Variants in WRN observed in about 807,000 individuals in gnomAD.
WRN encodes WRN RecQ like helicase.
Under a neutral mutation model 180.7 loss-of-function variants are expected in WRN, and 149 were observed. That is an observed-to-expected ratio of 0.82 (90% CI 0.72 to 0.94). The LOEUF (loss-of-function observed/expected upper bound fraction) is 0.94, where lower values mean the gene tolerates loss of function less well. WRN is among the 40% of genes least tolerant of loss of function. The probability of loss-of-function intolerance (pLI) is 0.00; values close to 1 mark genes in which losing one functional copy is unlikely to be tolerated. For missense variants in WRN, 1,661 were observed against 1,700.1 expected (o/e 0.98, Z 0.40); for synonymous variants, 548 against 568.9 (o/e 0.96, Z 0.52).
At chr8:31,162,468 C>G (rs189333132) in intron 33 of WRN, among the ~76,000 whole-genome samples, 134 of 152,288 alleles carry the variant, frequency 8.8e-4, no homozygotes, top group Middle Eastern at 3.4e-3. Context: ...ATGCCTTCTT[C>G]TGGACACCTC....
chr8:31,062,199 G>C (rs2130021128), intron 3 of WRN, among the ~76,000 whole-genome samples: 1 of 152,158 alleles, frequency 6.6e-6, no homozygotes, highest in Non-Finnish European at 1.5e-5. Context: ...TATATGTTTT[G>C]TCCAAGTTTA....
chr8:31,094,642 C>T (rs769465222), intron 16 of WRN, among the ~76,000 whole-genome samples: 5 of 152,150 alleles, frequency 3.3e-5, no homozygotes, highest in Admixed American at 6.5e-5. Flanking sequence ...CCACTCTGCC[C>T]GGCCTATTAT....
intron 33 of WRN, among the ~76,000 whole-genome samples, chr8:31,166,419 T>C (rs1263995585): frequency 6.6e-6 from 1 of 152,122 alleles, no homozygotes; most frequent in East Asian, 1.9e-4. Context: ...ATTAGTTCTG[T>C]TGAGTTGCAA....
intron 21 of WRN, 64 bp downstream of exon 21, chr8:31,120,488 A>AC: frequency 2.7e-6 from 4 of 1,508,736 alleles, no homozygotes; most frequent in Non-Finnish European, 3.6e-6. Context: ...TAAACCTCAA[A>AC]AGTGTTTGAG....
At chr8:31,089,037 C>T in intron 13 of WRN, 72 bp downstream of exon 13, 1 of 1,375,776 alleles carries the variant, frequency 7.3e-7, no homozygotes, top group Non-Finnish European at 1.0e-6. Flanking sequence ...GGCAAATAAC[C>T]TGTCTGCTTA....
intron 24 of WRN, among the ~76,000 whole-genome samples, chr8:31,136,030 A>G (rs1403105790): frequency 2.0e-5 from 3 of 152,090 alleles, no homozygotes; most frequent in Non-Finnish European, 2.9e-5. Context: ...AAAGAATGTG[A>G]TATGTCACCC....
chr8:31,039,635 T>C (rs1020315611), intron 1 of WRN, among the ~76,000 whole-genome samples: 2 of 152,214 alleles, frequency 1.3e-5, no homozygotes, highest in African/African-American at 4.8e-5. Flanking sequence ...CTTCCTATCT[T>C]AGGTGGAAAG....
chr8:31,066,673 A>G (rs754648338), intron 5 of WRN, among the ~76,000 whole-genome samples: 14 of 152,100 alleles, frequency 9.2e-5, no homozygotes, highest in Non-Finnish European at 1.3e-4. Context: ...TTGGCTATCA[A>G]TTCCATCACC....
chr8:31,130,584 G>T (rs933307795), intron 23 of WRN, among the ~76,000 whole-genome samples: 1 of 147,914 alleles, frequency 6.8e-6, no homozygotes, highest in Non-Finnish European at 1.5e-5. Flanking sequence ...TTTTACAGTC[G>T]TTAGCGTTTA....
chr8:31,082,211 T>G (rs1280732351), intron 9 of WRN, among the ~76,000 whole-genome samples: 4 of 152,238 alleles, frequency 2.6e-5, no homozygotes, highest in Non-Finnish European at 5.9e-5. Context: ...TGTTTTGCAT[T>G]AGTTTACAAA....
chr8:31,088,942 CT>C lies in WRN; in HGVS notation c.1632del (p.Phe544LeufsTer13), dbSNP rs1387884348. 1 of 1,611,268 alleles carries C rather than the reference CT, an allele frequency of 6.2e-7. No individual in the cohort carries two copies. The highest frequency in any genetic ancestry group is 1.3e-5 in the African/African-American group (1 of 74,958). On this transcript the variant is annotated frameshift_variant, in exon 13 of 35. Transcript: ENST00000298139. LOFTEE classifies it high-confidence loss of function. ...AGCAAGTTACTTGCCTCAAGATGTA[CT>C]TTGGCCATTCCAGTTTTAAACCGTG... is the stretch of plus-strand genomic sequence containing the variant. ...EEQVTCLKMY[F>X]GHSSFKPVQW...
Position 31,066,326 on chromosome 8 carries a change from C to G in WRN, c.505-707C>G, listed in dbSNP as rs561157167. The stretch of plus-strand genomic sequence containing the variant: ...TCAGCCTCCCGAGTAGCTGGCACTA[C>G]AGGCGTGCCACCACACCCAGCTAAT... On this transcript the variant is annotated intron_variant, in intron 5 of 34. Transcript: ENST00000298139. 2.0e-5 allele frequency among the ~76,000 whole-genome samples: 3 copies of G among 152,248 alleles called. No individual in the cohort carries two copies. The South Asian group carries it at 6.2e-4, about 32-fold the overall frequency.
At chr8:31,101,520 C>G (rs1033295847) in intron 18 of WRN, among the ~76,000 whole-genome samples, 1 of 152,128 alleles carries the variant, frequency 6.6e-6, no homozygotes, top group African/African-American at 2.4e-5. Context: ...GGCATGGTGG[C>G]TCACGCCTGT....
chr8:31,038,596 A>C (rs1811533703), intron 1 of WRN, among the ~76,000 whole-genome samples: 1 of 151,824 alleles, frequency 6.6e-6, no homozygotes. Context: ...TTCTTTTATT[A>C]CCTATGCTTT....
At chr8:31,045,938 G>A (rs1000298415) in intron 1 of WRN, among the ~76,000 whole-genome samples, 34 of 152,094 alleles carry the variant, frequency 2.2e-4, no homozygotes, top group Admixed American at 1.3e-3. Context: ...TGGCTGTGCC[G>A]AAACGCAGTG....
chr8:31,147,234 T>C, intron 29 of WRN, 106 bp downstream of exon 29: 1 of 1,482,298 alleles, frequency 6.7e-7, no homozygotes, highest in East Asian at 2.3e-5. Flanking sequence ...GTTCTTAAGC[T>C]AAGAGTCTGA....
rs1264268370 is a variant in WRN at position 31,154,770 on chromosome 8, C to T, written c.3819+15C>T. On this transcript the variant is annotated intron_variant, in intron 32 of 34. Transcript: ENST00000298139. Reference sequence around the variant, plus strand: ...AGATGCCTTTGGTAAGTGTGACTTTCATGTTACAGGGAATTTTTTTAGTTT... The same window carrying T: ...AGATGCCTTTGGTAAGTGTGACTTTTATGTTACAGGGAATTTTTTTAGTTT... 1 of 1,612,890 alleles carries T rather than the reference C, an allele frequency of 6.2e-7. No individual in the cohort carries two copies. The highest frequency in any genetic ancestry group is 2.2e-5 in the East Asian group (1 of 44,716).
intron 18 of WRN, among the ~76,000 whole-genome samples, chr8:31,101,787 CAAAAAAAA>C (rs60342321): frequency 2.6e-4 from 11 of 42,056 alleles, no homozygotes; most frequent in African/African-American, 9.1e-4. Context: ...AACTCTGTCT[CAAAAAAAA>C]AAAAAAAAAA....
Position 31,157,448 on chromosome 8 carries a change from C to A in WRN, c.3900C>A (p.Pro1300=), listed in dbSNP as rs138886038. ...CCCAAGCGGTGAAAGCTGGCTGCCC[C>A]CTTGATTTGGAGCGAGCAGGCCTGA... The part of the protein sequence containing the change: ...HLSQAVKAGC[P]LDLERAGLTP... Residue 1300 remains proline (P), a synonymous_variant, in exon 33 of 35, where the codon CCC becomes CCA. Transcript: ENST00000298139. 1,087 of 1,613,952 alleles carry A rather than the reference C, an allele frequency of 6.7e-4. 3 individuals are homozygous for A. Among genetic ancestry groups the A allele is most frequent in the Admixed American group, 1.2e-3 (73 of 59,982 alleles).
Sources: allele counts gnomAD v4.1 joint callset (sites outside exome capture counted in the v4.1 genomes callset), GRCh38; gene constraint gnomAD v4.1.1; transcripts MANE v1.5; gene names NCBI Gene and HGNC (gene_info 2026-07-23, HGNC 2026-07-21).